The following PFKFB3 variants were observed in gnomAD, a reference collection of about 807,000 sequenced individuals.
PFKFB3 encodes the protein 6-phosphofructo-2-kinase/fructose-2,6-bisphosphatase 3.
PFKFB3 carries 33 observed loss-of-function variants against 68.0 expected under a neutral mutation model. The ratio of observed to expected loss-of-function variants is 0.49; its 90% confidence interval spans 0.37 to 0.65. PFKFB3 has a LOEUF of 0.65. Among genes scored for constraint, PFKFB3 ranks in the 30% least tolerant of loss-of-function variants. The probability of loss-of-function intolerance (pLI) is 0.00; values close to 1 mark genes in which losing one functional copy is unlikely to be tolerated. For synonymous variants in PFKFB3, 315 were observed against 288.2 expected (o/e 1.09, Z -0.94); for missense variants, 586 against 712.2 (o/e 0.82, Z 2.02).
Position 6,229,911 on chromosome 10 carries a change from G to A in PFKFB3, c.1516-2984G>A, listed in dbSNP as rs545785821. 7.2e-5 allele frequency among the ~76,000 whole-genome samples: 11 copies of A among 152,102 alleles called. No individual in the cohort carries two copies. In the South Asian group the frequency reaches 8.3e-4, roughly 12 times the overall value. ...CTAGATCCCTCGTGTGTGCTCCTCC[G>A]AGTCAGGTGGTAATGTTGGCCCACC... On this transcript the variant is annotated intron_variant, in intron 14 of 14. Transcript: ENST00000379775. This position sits in a 1 kb window ranked among gnomAD's most constrained non-coding sequence, Gnocchi z 4.3.
At chr10:6,176,542 G>T (rs1842480242) in intron 1 of PFKFB3, among the ~76,000 whole-genome samples, 1 of 152,138 alleles carries the variant, frequency 6.6e-6, no homozygotes, top group South Asian at 2.1e-4. Context: ...AGGTAGCTGG[G>T]ACCATAGGTG....
intron 1 of PFKFB3, among the ~76,000 whole-genome samples, chr10:6,157,376 G>A (rs1358120462): frequency 2.6e-5 from 4 of 151,870 alleles, no homozygotes; most frequent in Admixed American, 2.6e-4. Flanking sequence ...ACAGGCGCCC[G>A]CCGCCCCGCC....
At chr10:6,256,545 C>T (rs530653343), downstream of PFKFB3, among the ~76,000 whole-genome samples, 8 of 152,312 alleles carry the variant, frequency 5.3e-5, no homozygotes, top group South Asian at 2.1e-4. Context: ...CTGCCATGTG[C>T]ATGGAGATGG....
At chr10:6,263,138 G>A in the PFKFB3 span, among the ~76,000 whole-genome samples, 1 of 152,220 alleles carries the variant, frequency 6.6e-6, no homozygotes, top group Non-Finnish European at 1.5e-5. Context: ...TTAACAGCAA[G>A]CCAGTCCTTA....
chr10:6,204,423 G>C (rs558910544), intron 1 of PFKFB3, among the ~76,000 whole-genome samples: 2 of 152,356 alleles, frequency 1.3e-5, no homozygotes, highest in African/African-American at 4.8e-5. Flanking sequence ...CGGCTACTAC[G>C]TTTCTTAGGA....
chr10:6,228,386 T>C lies in PFKFB3; in HGVS notation c.1515+2021T>C, dbSNP rs139298980. 5.2e-3 allele frequency: 3,965 copies of C among 759,652 alleles called. 11 individuals are homozygous for C. Among genetic ancestry groups the C allele is most frequent in the Non-Finnish European group, 7.3e-3 (3,198 of 440,826 alleles). The allele number at this position is 759,652 out of a possible 1,614,324, so 47.1% of individuals were successfully genotyped here. A position where few individuals can be genotyped will look rare whatever the true frequency, so the allele number is the denominator to read the frequency against. On this transcript the variant is annotated intron_variant, in intron 14 of 14. Transcript: ENST00000379775. The surrounding 1 kb of genome is among the most constrained non-coding windows in gnomAD (Gnocchi z 4.5). ...GGAGTAGGGAGGAGAGATTCCTGAATGTTTTTGGAAAAGCGTGCAGGCGGT... is the reference window on the plus strand; with the variant it reads ...GGAGTAGGGAGGAGAGATTCCTGAACGTTTTTGGAAAAGCGTGCAGGCGGT...
chr10:6,255,319 T>C (rs1424455967), downstream of PFKFB3, among the ~76,000 whole-genome samples: 1 of 151,672 alleles, frequency 6.6e-6, no homozygotes, highest in Non-Finnish European at 1.5e-5. Flanking sequence ...AGATGGGGTT[T>C]CTCCATGTTG....
rs956680954 is a variant in PFKFB3 at position 6,248,656 on chromosome 10, A to G, written c.1516-5522A>G. Among the ~76,000 whole-genome samples, 340 of 131,074 alleles carry G rather than the reference A, an allele frequency of 2.6e-3. 2 individuals are homozygous for G. Among genetic ancestry groups the G allele is most frequent in the African/African-American group, 9.0e-3 (320 of 35,522 alleles). The allele number at this position is 131,074 out of a possible 152,430, so 86.0% of individuals were successfully genotyped here. The stretch of plus-strand genomic sequence containing the variant: ...AAAAAAAAAAAAAAAAAAAAAAGGC[A>G]GGGGATCTGAATAGATGTTTCTCAA... On this transcript the variant is annotated intron_variant, in intron 14 of 14. Transcript: ENST00000640683.
At chr10:6,160,482 C>T (rs966877475) in intron 1 of PFKFB3, among the ~76,000 whole-genome samples, 2 of 152,286 alleles carry the variant, frequency 1.3e-5, no homozygotes, top group South Asian at 4.1e-4. Flanking sequence ...CTTTGGGAGG[C>T]TGAGGCAGGC....
At chr10:6,159,593 G>C (rs1303789701) in intron 1 of PFKFB3, among the ~76,000 whole-genome samples, 1 of 151,448 alleles carries the variant, frequency 6.6e-6, no homozygotes, top group Non-Finnish European at 1.5e-5. Context: ...CCGGGAGGCT[G>C]AGACAGGAGA....
intron 1 of PFKFB3, among the ~76,000 whole-genome samples, chr10:6,205,145 T>G (rs1190126430): frequency 2.0e-5 from 3 of 152,232 alleles, no homozygotes; most frequent in African/African-American, 7.2e-5. Flanking sequence ...TCCCGCCTAC[T>G]GCTGGTATCC....
In PFKFB3 at chr10:6,215,267, C is replaced by T; in HGVS notation, c.249C>T (p.Ser83=). ...GCCGGGAGGCTGTGAAGCAGTACAGCTCCTACAACTTCTTCCGCCCCGACA... is the reference window on the plus strand; with the variant it reads ...GCCGGGAGGCTGTGAAGCAGTACAGTTCCTACAACTTCTTCCGCCCCGACA... ...EYRREAVKQY[S]SYNFFRPDNE... is the part of the protein sequence containing the mutation. The change falls in exon 3 of 15, where the codon AGC becomes AGT. Residue 83 remains serine, a synonymous_variant. Coordinates refer to ENST00000379775, the MANE Select transcript of PFKFB3 (RefSeq NM_004566.4). The surrounding 1 kb of genome is among the most constrained non-coding windows in gnomAD (Gnocchi z 4.3). 1 of 1,614,024 alleles carries T rather than the reference C, an allele frequency of 6.2e-7. No homozygotes were observed. Among genetic ancestry groups the T allele is most frequent in the Non-Finnish European group, 8.5e-7 (1 of 1,180,012 alleles).
Position 6,224,013 on chromosome 10 carries a change from C to T in PFKFB3, c.1269C>T (p.Val423=), listed in dbSNP as rs749869691. The T allele has an allele frequency of 8.2e-5, 133 of 1,614,086 alleles. No homozygotes were observed. Among genetic ancestry groups the T allele is most frequent in the African/African-American group, 1.3e-4 (10 of 74,938 alleles). ...ACACCGTCCTGAAACTGACGCCTGT[C>T]GCTTATGGTGAGTAGCAACCCCTGC... ...PLHTVLKLTP[V]AYGCRVESIY... Residue 423 remains valine, a synonymous_variant, in exon 12 of 15, where the codon GTC becomes GTT. Coordinates refer to ENST00000379775, the MANE Select transcript of PFKFB3 (RefSeq NM_004566.4).
the PFKFB3 span, among the ~76,000 whole-genome samples, chr10:6,302,031 A>T: frequency 6.6e-6 from 1 of 150,662 alleles, no homozygotes; most frequent in East Asian, 1.9e-4. Context: ...AAGGTAACAT[A>T]CTTGCGATTT....
intron 6 of PFKFB3, among the ~76,000 whole-genome samples, chr10:6,217,441 G>A (rs559780409): frequency 8.5e-5 from 13 of 152,214 alleles, no homozygotes; most frequent in Non-Finnish European, 1.6e-4. Flanking sequence ...AATAATTCAG[G>A]GAGATAGGAT....
chr10:6,210,456 G>T (rs1446922597), intron 1 of PFKFB3, among the ~76,000 whole-genome samples: 1 of 112,590 alleles, frequency 8.9e-6, no homozygotes, highest in Non-Finnish European at 2.2e-5. Flanking sequence ...CGCCTCCCGG[G>T]TTCACGCCAT....
rs1844602544 is a variant in PFKFB3, at chr10:6,216,566, T to TA, written c.367-140_367-139insA. ...CTCCTAAGCACTCCCTGGAGAGGAC[T>TA]GTGGGCAGGCACAAGCTCCCCTGAA... On this transcript the variant is annotated intron_variant, in intron 4 of 14. Coordinates refer to ENST00000379775, the MANE Select transcript of PFKFB3 (RefSeq NM_004566.4). The TA allele has an allele frequency of 7.1e-5, 51 of 713,506 alleles. 1 individual carries two copies. The South Asian group carries it at 8.1e-4, about 11-fold the overall frequency. The allele number at this position is 713,506 out of a possible 1,614,324, so 44.2% of individuals were successfully genotyped here.
the PFKFB3 span, among the ~76,000 whole-genome samples, chr10:6,266,446 C>T: frequency 3.9e-5 from 6 of 152,168 alleles, no homozygotes; most frequent in African/African-American, 7.2e-5. Flanking sequence ...CTAAGACTGT[C>T]GATGTCTCTA....
chr10:6,294,437 G>A, the PFKFB3 span, among the ~76,000 whole-genome samples: 3 of 152,214 alleles, frequency 2.0e-5, no homozygotes, highest in Non-Finnish European at 2.9e-5. Context: ...GCAAGAGAGC[G>A]TGTGCAGGGA....
Sources: gnomAD v4.1 joint callset for allele counts (sites outside exome capture counted in the v4.1 genomes callset) on GRCh38, gnomAD v4.1.1 for gene constraint, Gnocchi (gnomAD v3.1) non-coding constraint, MANE v1.5 for transcripts, NCBI Gene and HGNC (gene_info 2026-07-23, HGNC 2026-07-21) for gene names.